The following ERC2 variants were observed in gnomAD, a reference collection of about 807,000 sequenced individuals.
ERC2 encodes the protein ERC protein 2.
In ERC2, 42 loss-of-function variants were observed where a neutral mutation model predicts 114.8. That is an observed-to-expected ratio of 0.37 (90% CI 0.29 to 0.47). The LOEUF (loss-of-function observed/expected upper bound fraction) is 0.47, where lower values mean the gene tolerates loss of function less well. Ranked by LOEUF, ERC2 falls within the 20% of genes least tolerant of loss-of-function variation. The pLI is 0.99. For missense variants in ERC2, 939 were observed against 1,150.7 expected, an observed-to-expected ratio of 0.82 and a Z score of 2.66; for synonymous variants, 454 against 425.5, an observed-to-expected ratio of 1.07 and a Z score of -0.82.
rs541826263 is a variant in ERC2 at position 56,214,262 on chromosome 3, G to A, written c.1075-40742C>T. ...AACCTTGAAAAAAGATTAGACGAAT[G>A]GATAACTAGAATAACCAATGGAGAG... On this transcript the variant is annotated intron_variant, in intron 3 of 17. Transcript: ENST00000288221. Among the ~76,000 whole-genome samples, 26 of 152,190 alleles carry A rather than the reference G, an allele frequency of 1.7e-4. No homozygotes were observed. The South Asian group carries it at 5.4e-3, about 32-fold the overall frequency.
chr3:55,763,237 T>A (rs916068584), intron 14 of ERC2, among the ~76,000 whole-genome samples: 1 of 152,230 alleles, frequency 6.6e-6, no homozygotes, highest in Admixed American at 6.5e-5. Flanking sequence ...ATTAATTGTC[T>A]CCCAGCGATG....
chr3:55,790,567 G>A (rs2069919176), intron 14 of ERC2, among the ~76,000 whole-genome samples: 1 of 152,100 alleles, frequency 6.6e-6, no homozygotes, highest in Non-Finnish European at 1.5e-5. Flanking sequence ...GCTCCTAAGA[G>A]CATCCCTCAG....
At chr3:55,846,182 G>T (rs1229595334) in intron 14 of ERC2, among the ~76,000 whole-genome samples, 1 of 152,068 alleles carries the variant, frequency 6.6e-6, no homozygotes, top group Non-Finnish European at 1.5e-5. Context: ...AGAGTCTGTT[G>T]TTTCCTTCTT....
chr3:55,572,813 T>C (rs1403612456), intron 17 of ERC2, among the ~76,000 whole-genome samples: 1 of 152,214 alleles, frequency 6.6e-6, no homozygotes, highest in Non-Finnish European at 1.5e-5. Context: ...TCTCAGCTGC[T>C]CTCTCATTAC....
chr3:56,305,395 G>A (rs539291909), intron 2 of ERC2, among the ~76,000 whole-genome samples: 1 of 151,976 alleles, frequency 6.6e-6, no homozygotes, highest in Non-Finnish European at 1.5e-5. Context: ...CACAGAACAG[G>A]AAATACGATC....
chr3:55,750,199 GATAA>G (rs1332746356), intron 14 of ERC2, among the ~76,000 whole-genome samples: 3 of 152,058 alleles, frequency 2.0e-5, no homozygotes, highest in Non-Finnish European at 4.4e-5. Flanking sequence ...TAAAATAAAA[GATAA>G]ATAATAGTTT....
chr3:55,734,544 G>GA (rs1386507159), intron 15 of ERC2, among the ~76,000 whole-genome samples: 2 of 152,290 alleles, frequency 1.3e-5, no homozygotes, highest in East Asian at 3.9e-4. Context: ...CAAAAGAAAG[G>GA]AAAACAGCAC....
chr3:56,412,521 A>G (rs1162558303), intron 2 of ERC2, among the ~76,000 whole-genome samples: 2 of 152,228 alleles, frequency 1.3e-5, no homozygotes, highest in Non-Finnish European at 2.9e-5. Context: ...GGCAGAGCCA[A>G]GCCAGGCTCT....
intron 14 of ERC2, among the ~76,000 whole-genome samples, chr3:55,759,464 A>AAAAC (rs1179092880): frequency 0.018 from 39 of 2,216 alleles, 1 homozygote; most frequent in African/African-American, 0.023. Context: ...TCTTTCATTA[A>AAAAC]AAAAAAAAAA....
chr3:56,133,462 CA>C (rs1248666790), intron 6 of ERC2, among the ~76,000 whole-genome samples: 1 of 152,040 alleles, frequency 6.6e-6, no homozygotes, highest in Non-Finnish European at 1.5e-5. Context: ...TAAAATAAAA[CA>C]AAGATTAAAA....
intron 17 of ERC2, among the ~76,000 whole-genome samples, chr3:55,618,118 C>T (rs1270050904): frequency 6.6e-6 from 1 of 151,830 alleles, no homozygotes; most frequent in Non-Finnish European, 1.5e-5. Context: ...TCATCTCTCC[C>T]TGAACCAACT....
intron 13 of ERC2, among the ~76,000 whole-genome samples, chr3:55,889,269 G>A (rs901805354): frequency 9.9e-5 from 15 of 152,132 alleles, no homozygotes; most frequent in African/African-American, 3.6e-4. Context: ...GCTATTCAAT[G>A]TCCAGGGAGC....
At chr3:55,684,147 A>G (rs1234943202) in intron 16 of ERC2, among the ~76,000 whole-genome samples, 4 of 152,238 alleles carry the variant, frequency 2.6e-5, no homozygotes, top group Admixed American at 2.6e-4. Flanking sequence ...AAATTAGTCT[A>G]CATTAGCAGA....
chr3:55,791,014 T>C (rs1475070730), intron 14 of ERC2, among the ~76,000 whole-genome samples: 1 of 152,212 alleles, frequency 6.6e-6, no homozygotes, highest in African/African-American at 2.4e-5. Context: ...CTTCCTCTTC[T>C]TGTCAACCAG....
chr3:55,801,673 C>T (rs1286232858), intron 14 of ERC2, among the ~76,000 whole-genome samples: 1 of 152,226 alleles, frequency 6.6e-6, no homozygotes, highest in Non-Finnish European at 1.5e-5. Flanking sequence ...GAAGTGAGCA[C>T]AGGAGCATCA....
intron 14 of ERC2, among the ~76,000 whole-genome samples, chr3:55,770,847 C>A (rs747035388): frequency 6.6e-6 from 1 of 151,776 alleles, no homozygotes; most frequent in South Asian, 2.1e-4. Context: ...TCCCTGTGTC[C>A]ATGTGTTCTC....
chr3:56,114,651 C>A (rs1160472419), intron 6 of ERC2, among the ~76,000 whole-genome samples: 2 of 152,166 alleles, frequency 1.3e-5, no homozygotes, highest in African/African-American at 4.8e-5. Flanking sequence ...ACACAAGACA[C>A]CCTCCCACCA....
chr3:56,369,157 G>C lies in ERC2; in HGVS notation c.657+65194C>G, dbSNP rs185336213. 2.0e-3 allele frequency among the ~76,000 whole-genome samples: 304 copies of C among 152,310 alleles called. 2 individuals are homozygous for C. The highest frequency in any genetic ancestry group is 7.1e-3 in the African/African-American group (294 of 41,566). On this transcript the variant is annotated intron_variant, in intron 2 of 17. Coordinates refer to ENST00000288221, the MANE Select transcript of ERC2 (RefSeq NM_015576.3). ...GTGATCATTCTTCTCATCTTCTGTA[G>C]AGTCCTAGTTGTTGTCCACTCATAA...
chr3:56,323,771 G>A (rs149862411), intron 2 of ERC2, among the ~76,000 whole-genome samples: 16 of 152,250 alleles, frequency 1.1e-4, no homozygotes, highest in Non-Finnish European at 2.2e-4. Context: ...TGCAGCAAGA[G>A]TCACAGCCTT....
Sources: gnomAD v4.1 joint callset for allele counts (sites outside exome capture counted in the v4.1 genomes callset) on GRCh38, gnomAD v4.1.1 for gene constraint, MANE v1.5 for transcripts, NCBI Gene and HGNC (gene_info 2026-07-23, HGNC 2026-07-21) for gene names.